Variants in KCNJ15 observed in about 807,000 individuals in gnomAD.
The protein encoded by KCNJ15 is ATP-sensitive inward rectifier potassium channel 15.
KCNJ15 carries 14 observed loss-of-function variants against 23.0 expected under a neutral mutation model. That is an observed-to-expected ratio of 0.61 (90% CI 0.40 to 0.95). KCNJ15 has a LOEUF of 0.95. Ranked by LOEUF, KCNJ15 falls within the 40% of genes least tolerant of loss-of-function variation. KCNJ15 has a pLI of 0.00. For missense variants in KCNJ15, 388 were observed against 461.8 expected (o/e 0.84, Z 1.46); for synonymous variants, 185 against 183.2 (o/e 1.01, Z -0.08).
In KCNJ15 at chr21:38,299,218, T is replaced by C. The variant is rs762958163; in HGVS notation, c.-18-26T>C. The C allele has an allele frequency of 6.5e-7, 1 of 1,537,300 alleles. No homozygotes were observed. Among genetic ancestry groups the C allele is most frequent in the South Asian group, 1.2e-5 (1 of 82,688 alleles). On this transcript the variant is annotated intron_variant, in intron 2 of 2. Coordinates refer to ENST00000398938, the MANE Select transcript of KCNJ15 (RefSeq NM_170736.3). This position sits in a 1 kb window ranked among gnomAD's most constrained non-coding sequence, Gnocchi z 4.5. The stretch of plus-strand genomic sequence containing the variant: ...GAAGTTCCACCACATATGGCGATAA[T>C]GAAACATCTTTGTCATTTCTCTAAG...
At chr21:38,258,189 T>C (rs1980472512) in intron 1 of KCNJ15, among the ~76,000 whole-genome samples, 1 of 152,220 alleles carries the variant, frequency 6.6e-6, no homozygotes, top group Non-Finnish European at 1.5e-5. Flanking sequence ...CTATCTTCTT[T>C]TGTCCTCTTG....
At chr21:38,280,478 G>T (rs2836277) in intron 1 of KCNJ15, among the ~76,000 whole-genome samples, 1 of 151,938 alleles carries the variant, frequency 6.6e-6, no homozygotes. Flanking sequence ...TCAGGGGCAC[G>T]TCAGGGTGAG....
chr21:38,232,625 A>G (rs1376528590), intron 1 of KCNJ15, among the ~76,000 whole-genome samples: 3 of 151,828 alleles, frequency 2.0e-5, no homozygotes, highest in African/African-American at 4.8e-5. Flanking sequence ...ACTGCATCCA[A>G]TTCATTTTAG....
chr21:38,283,023 A>G (rs11701135), intron 1 of KCNJ15, among the ~76,000 whole-genome samples: 4,427 of 152,274 alleles, frequency 0.029, 85 homozygotes, highest in Non-Finnish European at 0.038. Context: ...AGGGCAGGAT[A>G]TCTGCTTTAT....
At chr21:38,247,090 ATGGATGGATG>A (rs1979437123) in intron 1 of KCNJ15, among the ~76,000 whole-genome samples, 1 of 69,728 alleles carries the variant, frequency 1.4e-5, no homozygotes, top group Non-Finnish European at 2.5e-5. Context: ...GGATGGATGG[ATGGATGGATG>A]CATGGATGGA....
rs1012105999 is a variant in KCNJ15, at chr21:38,303,995, C to T, written c.*3606C>T. 4 of 151,750 alleles carry T rather than the reference C, an allele frequency of 2.6e-5. No individual in the cohort carries two copies. Among genetic ancestry groups the T allele is most frequent in the Non-Finnish European group, 2.9e-5 (2 of 67,964 alleles). 9.4% of individuals were successfully genotyped at this position (151,750 alleles called of 1,614,324 possible). A position where few individuals can be genotyped will look rare whatever the true frequency, so the allele number is the denominator to read the frequency against. ...CCACATGGCACAGTGAATACTCTCA[C>T]GCTCTCAATTTTGGCTTTCATTCTT... On this transcript the variant is annotated 3_prime_UTR_variant, in exon 3 of 3. Coordinates refer to ENST00000398938, the MANE Select transcript of KCNJ15 (RefSeq NM_170736.3).
upstream of KCNJ15, among the ~76,000 whole-genome samples, chr21:38,254,800 A>G (rs1324187803): frequency 6.6e-6 from 1 of 152,218 alleles, no homozygotes; most frequent in Non-Finnish European, 1.5e-5. Flanking sequence ...TGATCTGAGC[A>G]TGGACTTAAC....
intron 1 of KCNJ15, among the ~76,000 whole-genome samples, chr21:38,249,068 AC>A (rs1979651065): frequency 6.6e-6 from 1 of 152,104 alleles, no homozygotes; most frequent in Middle Eastern, 3.4e-3. Flanking sequence ...TCTCCCTTGC[AC>A]CCCCAATGGA....
chr21:38,275,947 A>G (rs192619889), intron 1 of KCNJ15, among the ~76,000 whole-genome samples: 5 of 152,240 alleles, frequency 3.3e-5, no homozygotes, highest in Admixed American at 1.3e-4. Flanking sequence ...CTTTTAATAT[A>G]TCATATTCAT....
In KCNJ15 at chr21:38,301,173, A is replaced by T. The variant is rs1024968665; in HGVS notation, c.*784A>T. 6 of 166,492 alleles carry T rather than the reference A, an allele frequency of 3.6e-5. No homozygotes were observed. The South Asian group carries it at 1.3e-3, about 35-fold the overall frequency. 10.3% of individuals were successfully genotyped at this position (166,492 alleles called of 1,614,324 possible). Reference sequence around the variant, plus strand: ...GCTTATTAGTAATGTGTAGATTCTCATGTCCCAGCCAGACTTACAGAATTG... The same window carrying T: ...GCTTATTAGTAATGTGTAGATTCTCTTGTCCCAGCCAGACTTACAGAATTG... On this transcript the variant is annotated 3_prime_UTR_variant, in exon 3 of 3. Coordinates refer to ENST00000398938, the MANE Select transcript of KCNJ15 (RefSeq NM_170736.3).
chr21:38,272,336 T>C (rs1025177067), intron 1 of KCNJ15: 1 of 152,332 alleles, frequency 6.6e-6, no homozygotes, highest in Non-Finnish European at 1.5e-5. Context: ...TGAGGGCAGC[T>C]GGGCGGTGGG....
chr21:38,293,248 A>G (rs538477027), intron 1 of KCNJ15, among the ~76,000 whole-genome samples: 1 of 152,142 alleles, frequency 6.6e-6, no homozygotes, highest in East Asian at 1.9e-4. Flanking sequence ...AGGAAGGAAC[A>G]GCCCAATCCA....
chr21:38,258,020 C>A (rs924151593), intron 1 of KCNJ15, among the ~76,000 whole-genome samples: 1 of 151,968 alleles, frequency 6.6e-6, no homozygotes, highest in African/African-American at 2.4e-5. Context: ...AAAATGTGTA[C>A]CATTAATTCA....
chr21:38,269,997 A>T (rs940531386), intron 1 of KCNJ15, among the ~76,000 whole-genome samples: 17 of 152,062 alleles, frequency 1.1e-4, no homozygotes, highest in Non-Finnish European at 1.5e-4. Context: ...GCCCTGTTCA[A>T]TTGCTCCTGT....
At position 38,299,558 on chromosome 21, in the gene KCNJ15, G is replaced by C. The variant is rs145644150; in HGVS notation, c.297G>C (p.Glu99Asp). ...TTCATGGGGACTTAGAACCCGGTGAGCCCATTTCAAATCATACCCCCTGCA... is the reference window on the plus strand; with the variant it reads ...TTCATGGGGACTTAGAACCCGGTGACCCCATTTCAAATCATACCCCCTGCA... ...AFIHGDLEPG[E>D]PISNHTPCIM... The change falls in exon 3 of 3, where the codon GAG (glutamate) becomes GAC (aspartate). Residue 99 changes from glutamate (E) to aspartate (D), a missense_variant. By Grantham distance (45) the Glu-to-Asp change is conservative. Transcript: ENST00000398938. This position sits in a 1 kb window ranked among gnomAD's most constrained non-coding sequence, Gnocchi z 4.5. 9.3e-6 allele frequency: 15 copies of C among 1,613,980 alleles called. No homozygotes were observed. The African/African-American group carries it at 1.9e-4, about 20-fold the overall frequency.
intron 1 of KCNJ15, chr21:38,272,567 C>A (rs1178166979): frequency 6.6e-6 from 1 of 152,240 alleles, no homozygotes; most frequent in African/African-American, 2.4e-5. Context: ...GGTAAGGCCC[C>A]TTAGGATGCT....
At chr21:38,291,903 T>G (rs79046958) in intron 1 of KCNJ15, among the ~76,000 whole-genome samples, 4,571 of 152,362 alleles carry the variant, frequency 0.03, 211 homozygotes, top group African/African-American at 0.1. Context: ...ATGGGAATAA[T>G]ATTAGTACTT....
intron 1 of KCNJ15, among the ~76,000 whole-genome samples, chr21:38,280,938 C>A (rs2836279): frequency 0.66 from 100,010 of 151,976 alleles, 33,624 homozygotes; most frequent in Non-Finnish European, 0.73. Context: ...AACACAGTCA[C>A]TCAAACCATT....
chr21:38,259,280 G>A (rs1185468792), intron 1 of KCNJ15, among the ~76,000 whole-genome samples: 1 of 152,254 alleles, frequency 6.6e-6, no homozygotes, highest in Non-Finnish European at 1.5e-5. Flanking sequence ...TATTTGTGTG[G>A]TGGATGCGTC....
Sources: allele counts gnomAD v4.1 joint callset (sites outside exome capture counted in the v4.1 genomes callset), GRCh38; gene constraint gnomAD v4.1.1; non-coding constraint Gnocchi (gnomAD v3.1); transcripts MANE v1.5; gene names NCBI Gene and HGNC (gene_info 2026-07-23, HGNC 2026-07-21).